The following SVIL variants were observed in gnomAD, a reference collection of about 807,000 sequenced individuals.
The protein encoded by SVIL is supervillin.
A neutral mutation model predicts 240.4 loss-of-function variants in SVIL; 101 were observed. The observed-to-expected ratio is 0.42, with a 90% CI of 0.36 to 0.50. SVIL has a LOEUF of 0.50. Ranked by LOEUF, SVIL falls within the 20% of genes least tolerant of loss-of-function variation. SVIL has a pLI of 0.01. For missense variants in SVIL, 2,512 were observed against 2,818.7 expected (o/e 0.89, Z 2.46); for synonymous variants, 999 against 1,100.0 (o/e 0.91, Z 1.82).
rs1943769680 is a variant in SVIL at position 29,458,173 on chromosome 10, A to G, written c.*74T>C. ...ATACTTTGTGAAAAACACCAGTCCA[A>G]AAATATATATCCATTTCCCTGGTGC... On this transcript the variant is annotated 3_prime_UTR_variant, in exon 38 of 38. Coordinates refer to ENST00000355867, the MANE Select transcript of SVIL (RefSeq NM_021738.3). 1 of 1,445,830 alleles carries G rather than the reference A, an allele frequency of 6.9e-7. No individual in the cohort carries two copies. Among genetic ancestry groups the G allele is most frequent in the East Asian group, 2.3e-5 (1 of 42,716 alleles). 89.6% of individuals were successfully genotyped at this position (1,445,830 alleles called of 1,614,324 possible).
chr10:29,704,419 T>TTC (rs944126816), intron 1 of SVIL, among the ~76,000 whole-genome samples: 1 of 151,744 alleles, frequency 6.6e-6, no homozygotes, highest in Non-Finnish European at 1.5e-5. Context: ...TTCTCATGCT[T>TTC]TCTCTCTCTC....
chr10:29,649,971 C>T (rs1047054743), intron 3 of SVIL, among the ~76,000 whole-genome samples: 10 of 152,208 alleles, frequency 6.6e-5, no homozygotes, highest in African/African-American at 2.4e-4. Flanking sequence ...GTTGCTTGCT[C>T]TCACCATGTG....
chr10:29,536,113 G>C, intron 6 of SVIL, 44 bp from the exon 7 acceptor site: 1 of 1,557,058 alleles, frequency 6.4e-7, no homozygotes, highest in Non-Finnish European at 8.9e-7. Context: ...CTATTAAAAC[G>C]TCAACATATA....
intron 17 of SVIL, among the ~76,000 whole-genome samples, chr10:29,508,835 T>C (rs1260615854): frequency 6.6e-6 from 1 of 152,244 alleles, no homozygotes; most frequent in African/African-American, 2.4e-5. Flanking sequence ...AGGGTTTTAA[T>C]GGCCAAGTCT....
At chr10:29,572,763 C>CAAAAAAAAAAA (rs375180538) in intron 1 of SVIL, among the ~76,000 whole-genome samples, 22 of 81,212 alleles carry the variant, frequency 2.7e-4, no homozygotes, top group African/African-American at 8.1e-4. Flanking sequence ...GATCCTATCT[C>CAAAAAAAAAAA]AAAAAAAAAA....
At position 29,484,902 on chromosome 10, in the gene SVIL, T is replaced by A; in HGVS notation, c.4780-71A>T. 4 of 1,478,426 alleles carry A rather than the reference T, an allele frequency of 2.7e-6. No individual in the cohort carries two copies. Among genetic ancestry groups the A allele is most frequent in the Non-Finnish European group, 3.7e-6 (4 of 1,091,934 alleles). The allele number at this position is 1,478,426 out of a possible 1,614,324, so 91.6% of individuals were successfully genotyped here. ...AACAGTTGAATCAGGTGCAACAGGGTCTCTTGTTGACAGTGAGTCAAACGG... is the reference window on the plus strand; with the variant it reads ...AACAGTTGAATCAGGTGCAACAGGGACTCTTGTTGACAGTGAGTCAAACGG... On this transcript the variant is annotated intron_variant, in intron 26 of 37. Coordinates refer to ENST00000355867, the MANE Select transcript of SVIL (RefSeq NM_021738.3). The surrounding 1 kb of genome is among the most constrained non-coding windows in gnomAD (Gnocchi z 4.7).
chr10:29,490,270 C>A (rs3780853), intron 22 of SVIL, among the ~76,000 whole-genome samples: 71,761 of 152,020 alleles, frequency 0.47, 18,492 homozygotes, highest in African/African-American at 0.67. Context: ...ATTAGATACT[C>A]CAGTGATTTG....
intron 6 of SVIL, among the ~76,000 whole-genome samples, chr10:29,550,156 G>C (rs572730959): frequency 1.8e-3 from 281 of 151,976 alleles, no homozygotes; most frequent in African/African-American, 6.6e-3. Flanking sequence ...AAGAATCTTA[G>C]GCCAGGTACG....
At chr10:29,726,199 G>A (rs1964280752) in intron 1 of SVIL, among the ~76,000 whole-genome samples, 1 of 152,124 alleles carries the variant, frequency 6.6e-6, no homozygotes, top group Non-Finnish European at 1.5e-5. Flanking sequence ...TGGGATTACA[G>A]GCATGCACCA....
At chr10:29,507,574 T>G (rs1021657924) in intron 17 of SVIL, among the ~76,000 whole-genome samples, 6 of 147,536 alleles carry the variant, frequency 4.1e-5, no homozygotes, top group African/African-American at 1.3e-4. Flanking sequence ...CACACTCTCA[T>G]GGACACACAC....
intron 1 of SVIL, among the ~76,000 whole-genome samples, chr10:29,702,175 CAAAAAAAAAAA>C (rs60338711): frequency 6.5e-5 from 4 of 61,660 alleles, no homozygotes; most frequent in Non-Finnish European, 8.7e-5. Flanking sequence ...ACTCCATCTC[CAAAAAAAAAAA>C]AAAAAAAAAA....
chr10:29,613,785 C>A (rs1957335261), intron 1 of SVIL, among the ~76,000 whole-genome samples: 1 of 152,188 alleles, frequency 6.6e-6, no homozygotes, highest in African/African-American at 2.4e-5. Context: ...TGCAGATACT[C>A]ACCTATAATT....
At chr10:29,681,575 C>T (rs571273117) in intron 2 of SVIL, among the ~76,000 whole-genome samples, 30 of 152,238 alleles carry the variant, frequency 2.0e-4, no homozygotes, top group African/African-American at 7.2e-4. Flanking sequence ...ATTTTAAGTC[C>T]TTGCAACTAA....
chr10:29,712,485 C>T (rs549334266), intron 1 of SVIL, among the ~76,000 whole-genome samples: 1 of 152,326 alleles, frequency 6.6e-6, no homozygotes, highest in Admixed American at 6.5e-5. Context: ...CATGCCAGCT[C>T]CTCTCTGCCT....
chr10:29,553,858 G>A (rs12413762), intron 5 of SVIL, among the ~76,000 whole-genome samples: 18,372 of 152,180 alleles, frequency 0.12, 1,244 homozygotes, highest in Non-Finnish European at 0.15. Context: ...AGTAAGAACC[G>A]TACTCATTCA....
chr10:29,717,036 T>C (rs920184646), intron 1 of SVIL, among the ~76,000 whole-genome samples: 2 of 152,076 alleles, frequency 1.3e-5, no homozygotes, highest in African/African-American at 2.4e-5. Context: ...GAGACCATCC[T>C]GGCTAACATG....
At chr10:29,524,968 T>C (rs1320138849) in intron 13 of SVIL, among the ~76,000 whole-genome samples, 1 of 152,132 alleles carries the variant, frequency 6.6e-6, no homozygotes, top group African/African-American at 2.4e-5. Context: ...AATTTCCTGT[T>C]TAAGACATTG....
intron 7 of SVIL, among the ~76,000 whole-genome samples, chr10:29,534,881 T>C (rs1186897138): frequency 6.6e-6 from 1 of 152,248 alleles, no homozygotes; most frequent in African/African-American, 2.4e-5. Context: ...AAGTACCATG[T>C]AGTGGGAAAG....
At position 29,486,235 on chromosome 10, in the gene SVIL, G is replaced by C. The variant is rs1404524824; in HGVS notation, c.4634-5C>G. The C allele has an allele frequency of 6.2e-7, 1 of 1,614,050 alleles. No individual in the cohort carries two copies. The highest frequency in any genetic ancestry group is 1.1e-5 in the South Asian group (1 of 91,062). On this transcript the variant is annotated splice_region_variant and splice_polypyrimidine_tract_variant and intron_variant, in intron 25 of 37. Transcript: ENST00000355867. ...CTTCTTTTGGGTCTCCAGCAGCTTG[G>C]GGATAAGAAGAACAGGAGAGCATCA...
Sources: gnomAD v4.1 joint callset for allele counts (sites outside exome capture counted in the v4.1 genomes callset) on GRCh38, gnomAD v4.1.1 for gene constraint, Gnocchi (gnomAD v3.1) non-coding constraint, MANE v1.5 for transcripts, NCBI Gene and HGNC (gene_info 2026-07-23, HGNC 2026-07-21) for gene names.